EVL: variants seen among roughly 807,000 people sequenced by gnomAD.
EVL encodes ena/VASP-like protein.
A neutral mutation model predicts 59.6 loss-of-function variants in EVL; 21 were observed. That is an observed-to-expected ratio of 0.35 (90% CI 0.25 to 0.51). The LOEUF is 0.51. Ranked by LOEUF, EVL falls within the 20% of genes least tolerant of loss-of-function variation. The pLI, the probability that EVL is intolerant of heterozygous loss-of-function variation, is 0.97. For missense variants in EVL, 462 were observed against 546.6 expected (o/e 0.85, Z 1.54); for synonymous variants, 198 against 203.5 (o/e 0.97, Z 0.23).
At chr14:100,067,061 G>C (rs2061944765) in intron 1 of EVL, among the ~76,000 whole-genome samples, 1 of 152,192 alleles carries the variant, frequency 6.6e-6, no homozygotes, top group African/African-American at 2.4e-5. Context: ...TGTGTACGGG[G>C]AGCGGAGTAG....
At chr14:100,032,366 TG>T (rs1218065461) in intron 1 of EVL, among the ~76,000 whole-genome samples, 9 of 152,216 alleles carry the variant, frequency 5.9e-5, no homozygotes, top group South Asian at 2.1e-4. Flanking sequence ...GCTGCTTGGT[TG>T]GGGCATTCAT....
chr14:100,126,651 G>C (rs1888090826), intron 4 of EVL, 56 bp from the exon 5 acceptor site: 8 of 1,593,030 alleles, frequency 5.0e-6, no homozygotes. Flanking sequence ...CAGGCACAGA[G>C]TGTGGTGGTC....
At position 100,129,514 on chromosome 14, in the gene EVL, G is replaced by C. The variant is rs1350433428; in HGVS notation, c.718-49G>C. ...ATCCCCTCACATCGTTGCTGCTCCT[G>C]TTCTGCCATCAGCAGCAGAATCTAA... On this transcript the variant is annotated intron_variant, in intron 6 of 13. Coordinates refer to ENST00000392920, the MANE Select transcript of EVL (RefSeq NM_016337.3). 3.7e-6 allele frequency: 6 copies of C among 1,610,026 alleles called. No individual in the cohort carries two copies. The South Asian group carries it at 6.6e-5, about 18-fold the overall frequency.
chr14:100,143,886 T>G lies in EVL; in HGVS notation c.*148T>G. 1 of 910,738 alleles carries G rather than the reference T, an allele frequency of 1.1e-6. No homozygotes were observed. 56.4% of individuals were successfully genotyped at this position (910,738 alleles called of 1,614,324 possible). ...AAACGTCCTGACCTGTGATCACACA[T>G]GACAGTGAGGAAACCAAGTGCAACT... On this transcript the variant is annotated 3_prime_UTR_variant, in exon 14 of 14. Coordinates refer to ENST00000392920, the MANE Select transcript of EVL (RefSeq NM_016337.3).
chr14:100,102,056 T>C (rs915656187), intron 3 of EVL, among the ~76,000 whole-genome samples: 1 of 152,190 alleles, frequency 6.6e-6, no homozygotes, highest in East Asian at 1.9e-4. Flanking sequence ...CAGGCCAGTC[T>C]CAAACTCCTG....
intron 1 of EVL, among the ~76,000 whole-genome samples, chr14:100,007,428 T>C (rs184853433): frequency 1.3e-5 from 2 of 152,340 alleles, no homozygotes; most frequent in Admixed American, 1.3e-4. Flanking sequence ...ACTTCCCCTT[T>C]AGCTTAGTGA....
At chr14:100,085,473 G>A (rs1303740838) in intron 2 of EVL, among the ~76,000 whole-genome samples, 2 of 152,210 alleles carry the variant, frequency 1.3e-5, no homozygotes, top group Non-Finnish European at 2.9e-5. Flanking sequence ...TAGGCTGGGC[G>A]ACTTAACCAC....
chr14:100,082,777 C>T (rs1349274456), intron 1 of EVL, among the ~76,000 whole-genome samples: 1 of 152,224 alleles, frequency 6.6e-6, no homozygotes, highest in Non-Finnish European at 1.5e-5. Context: ...CTAGAAGCAT[C>T]TCAGACCACA....
chr14:100,047,192 C>T (rs951262888), intron 1 of EVL, among the ~76,000 whole-genome samples: 1 of 134,756 alleles, frequency 7.4e-6, no homozygotes, highest in Non-Finnish European at 1.5e-5. Context: ...AGGACAGAAA[C>T]TGTCCTTGGG....
chr14:100,083,340 A>T lies in EVL; in HGVS notation c.12-1347A>T, dbSNP rs961927009. On this transcript the variant is annotated intron_variant, in intron 1 of 13. Coordinates refer to ENST00000392920, the MANE Select transcript of EVL (RefSeq NM_016337.3). The stretch of plus-strand genomic sequence containing the variant: ...TGGGATAGAACTGTGATTTGACCCA[A>T]CGTCTGTCTGGTTCTGTGTACAGTT... Among the ~76,000 whole-genome samples, 8 of 151,948 alleles carry T rather than the reference A, an allele frequency of 5.3e-5. No individual in the cohort carries two copies. In the East Asian group the frequency reaches 1.5e-3, roughly 29 times the overall value.
At chr14:100,137,895 G>A (rs781322847) in intron 11 of EVL, 93 bp downstream of exon 11, 17 of 1,290,628 alleles carry the variant, frequency 1.3e-5, no homozygotes, top group Admixed American at 7.2e-5. Flanking sequence ...GCTGTCTCAC[G>A]TCCTGGCATT....
chr14:100,090,598 A>T (rs1007205837), intron 2 of EVL, among the ~76,000 whole-genome samples: 2 of 152,236 alleles, frequency 1.3e-5, no homozygotes, highest in African/African-American at 4.8e-5. Flanking sequence ...TATTAAAAAG[A>T]AAATTTTGAA....
At chr14:100,077,648 C>T (rs926721095) in intron 1 of EVL, among the ~76,000 whole-genome samples, 1 of 152,182 alleles carries the variant, frequency 6.6e-6, no homozygotes, top group Non-Finnish European at 1.5e-5. Context: ...AACCAGCAAA[C>T]GTGTGTTACA....
At chr14:99,971,738 C>G (rs2060733504) in exon 1 of EVL, 2 of 144,650 alleles carry the variant, frequency 1.4e-5, no homozygotes, top group African/African-American at 5.0e-5. Flanking sequence ...CGGCTCGCCC[C>G]CCGCCCCCCC....
intron 9 of EVL, among the ~76,000 whole-genome samples, 194 bp downstream of exon 9, chr14:100,136,162 G>T (rs1397911658): frequency 6.6e-6 from 1 of 152,262 alleles, no homozygotes; most frequent in African/African-American, 2.4e-5. Context: ...GGAAGTGCTA[G>T]AGCAGAGCCA....
At chr14:99,990,929 A>G (rs994132784) in intron 1 of EVL, among the ~76,000 whole-genome samples, 1 of 152,106 alleles carries the variant, frequency 6.6e-6, no homozygotes, top group Non-Finnish European at 1.5e-5. Context: ...TGTGTACCCA[A>G]TTGTATATAT....
intron 11 of EVL, chr14:100,140,957 C>T (rs1889128368): frequency 4.0e-6 from 2 of 494,682 alleles, no homozygotes; most frequent in South Asian, 3.1e-5. Flanking sequence ...CCAGCCTTGG[C>T]TCTCGGGTTG....
At chr14:99,979,141 C>T (rs2060789771) in intron 1 of EVL, among the ~76,000 whole-genome samples, 1 of 152,034 alleles carries the variant, frequency 6.6e-6, no homozygotes, top group African/African-American at 2.4e-5. Flanking sequence ...AGGAACTAGA[C>T]ACTCCCATCC....
At position 100,012,729 on chromosome 14, in the gene EVL, T is replaced by A. The variant is rs150831095; in HGVS notation, c.5+40672T>A. On this transcript the variant is annotated intron_variant, in intron 1 of 13. Transcript: ENST00000402714. ...AGTTGACACTTCCTTTGGCTTATGG[T>A]CCTGGTGGTGGTTTTACTTTTTCTC... is the stretch of plus-strand genomic sequence containing the variant. Among the ~76,000 whole-genome samples, 137 of 152,338 alleles carry A rather than the reference T, an allele frequency of 9.0e-4. No homozygotes were observed. The Middle Eastern group carries it at 0.01, about 11-fold the overall frequency.
Sources: allele counts gnomAD v4.1 joint callset (sites outside exome capture counted in the v4.1 genomes callset), GRCh38; gene constraint gnomAD v4.1.1; transcripts MANE v1.5; gene names NCBI Gene and HGNC (gene_info 2026-07-23, HGNC 2026-07-21).